SPOCK3: variants seen among roughly 807,000 people sequenced by gnomAD.
SPOCK3 encodes the protein SPARC (osteonectin), cwcv and kazal like domains proteoglycan 3, also known as testican-3.
SPOCK3 carries 30 observed loss-of-function variants against 56.6 expected under a neutral mutation model. That is an observed-to-expected ratio of 0.53 (90% CI 0.40 to 0.72). SPOCK3 has a LOEUF of 0.72. Among genes scored for constraint, SPOCK3 ranks in the 30% least tolerant of loss-of-function variants. SPOCK3 has a pLI of 0.00. For synonymous variants in SPOCK3, 196 were observed against 183.3 expected (o/e 1.07, Z -0.56); for missense variants, 527 against 530.0 (o/e 0.99, Z 0.06).
intron 2 of SPOCK3, among the ~76,000 whole-genome samples, chr4:167,128,629 A>G (rs1762474199): frequency 6.6e-6 from 1 of 152,204 alleles, no homozygotes; most frequent in Non-Finnish European, 1.5e-5. Flanking sequence ...CATAAAATAC[A>G]CTAACACTAA....
intron 8 of SPOCK3, among the ~76,000 whole-genome samples, chr4:166,747,069 G>A (rs1047401706): frequency 4.2e-5 from 4 of 96,000 alleles, no homozygotes; most frequent in Non-Finnish European, 6.7e-5. Flanking sequence ...GGAGGAGCTG[G>A]TACCATTCCT....
At chr4:166,843,816 G>T (rs1747769490) in intron 6 of SPOCK3, among the ~76,000 whole-genome samples, 1 of 152,154 alleles carries the variant, frequency 6.6e-6, no homozygotes, top group Non-Finnish European at 1.5e-5. Context: ...AACTTCCTTT[G>T]TCAATGGGAT....
rs550205270 is a variant in SPOCK3, at chr4:166,851,430, C to T, written c.589+37700G>A. Among the ~76,000 whole-genome samples, 25 of 152,340 alleles carry T rather than the reference C, an allele frequency of 1.6e-4. No homozygotes were observed. The South Asian group carries it at 1.7e-3, about 10-fold the overall frequency. ...GAGCGCCTCTCCTCCTGCAAAGGAA[C>T]GCAGTTCCTCACCAGCAACGGAACA... On this transcript the variant is annotated intron_variant, in intron 6 of 10. Coordinates refer to ENST00000357545, the MANE Select transcript of SPOCK3 (RefSeq NM_001040159.2).
chr4:166,841,335 T>G (rs1016503099), intron 6 of SPOCK3, among the ~76,000 whole-genome samples: 4 of 152,136 alleles, frequency 2.6e-5, no homozygotes, highest in African/African-American at 9.7e-5. Flanking sequence ...TGTCACAGAA[T>G]AAGAATAATA....
In SPOCK3 at chr4:166,981,159, T is replaced by C. The variant is rs575717701; in HGVS notation, c.350+19190A>G. 6.7e-5 allele frequency among the ~76,000 whole-genome samples: 10 copies of C among 148,456 alleles called. No individual in the cohort carries two copies. The East Asian group carries it at 1.4e-3, about 21-fold the overall frequency. On this transcript the variant is annotated intron_variant, in intron 4 of 10. Transcript: ENST00000357545. ...CAGCTTTCAGCCCAGAGGAGACCCATAGTGGGTAGCTCCTTTCCACAGGAA... is the reference window on the plus strand; with the variant it reads ...CAGCTTTCAGCCCAGAGGAGACCCACAGTGGGTAGCTCCTTTCCACAGGAA...
chr4:166,854,574 T>C (rs988286894), intron 6 of SPOCK3, among the ~76,000 whole-genome samples: 1 of 152,190 alleles, frequency 6.6e-6, no homozygotes, highest in African/African-American at 2.4e-5. Flanking sequence ...GTCCATAATA[T>C]TTAAAATAAT....
chr4:166,831,232 GT>G (rs1286642026), intron 6 of SPOCK3, among the ~76,000 whole-genome samples: 1 of 152,160 alleles, frequency 6.6e-6, no homozygotes, highest in African/African-American at 2.4e-5. Context: ...GCTTATTAAT[GT>G]TTGTAGCTTT....
In SPOCK3 at chr4:166,976,904, TTATTA is replaced by T. The variant is rs540439561; in HGVS notation, c.350+23440_350+23444del. On this transcript the variant is annotated intron_variant, in intron 4 of 10. Coordinates refer to ENST00000357545, the MANE Select transcript of SPOCK3 (RefSeq NM_001040159.2). Reference sequence around the variant, plus strand: ...TATATATAATCAAATTGTATTTATTTTATTATACCATTTGATTCTTTTTAATAATT... The same window carrying T: ...TATATATAATCAAATTGTATTTATTTTACCATTTGATTCTTTTTAATAATT... Among the ~76,000 whole-genome samples the T allele has an allele frequency of 2.1e-3, 322 of 151,742 alleles. 3 individuals carry two copies. Among genetic ancestry groups the T allele is most frequent in the African/African-American group, 7.4e-3 (307 of 41,500 alleles).
Position 166,766,113 on chromosome 4 carries a change from T to C in SPOCK3, c.710-11384A>G, listed in dbSNP as rs139080263. Among the ~76,000 whole-genome samples the C allele has an allele frequency of 7.6e-3, 1,162 of 152,316 alleles. 7 individuals are homozygous for C. Among genetic ancestry groups the C allele is most frequent in the Middle Eastern group, 0.024 (7 of 294 alleles). ...CTGAGATGATAGGGTTTTCTAAATATACAATCATGTCATCTGCAAACAGGG... is the reference window on the plus strand; with the variant it reads ...CTGAGATGATAGGGTTTTCTAAATACACAATCATGTCATCTGCAAACAGGG... On this transcript the variant is annotated intron_variant, in intron 7 of 10. Transcript: ENST00000357545.
intron 2 of SPOCK3, among the ~76,000 whole-genome samples, chr4:167,152,307 G>A (rs572302140): frequency 6.6e-6 from 1 of 152,222 alleles, no homozygotes; most frequent in African/African-American, 2.4e-5. Context: ...AGTGTACACA[G>A]ATCAGATAAT....
At chr4:166,813,978 A>T (rs1236170282) in intron 6 of SPOCK3, among the ~76,000 whole-genome samples, 1 of 152,066 alleles carries the variant, frequency 6.6e-6, no homozygotes, top group East Asian at 1.9e-4. Context: ...TTGATGGTAA[A>T]ACTTGAGTAA....
chr4:166,770,333 C>T (rs1738762930), intron 7 of SPOCK3, among the ~76,000 whole-genome samples: 1 of 152,074 alleles, frequency 6.6e-6, no homozygotes, highest in Non-Finnish European at 1.5e-5. Flanking sequence ...GGAACCAAGC[C>T]CAAGATGTCC....
chr4:166,869,991 C>G (rs1732287312), intron 6 of SPOCK3, among the ~76,000 whole-genome samples: 1 of 152,026 alleles, frequency 6.6e-6, no homozygotes, highest in Non-Finnish European at 1.5e-5. Context: ...ACAGTTTGTC[C>G]TCTAGGAACC....
intron 2 of SPOCK3, among the ~76,000 whole-genome samples, chr4:167,220,228 T>C (rs909502455): frequency 6.6e-6 from 1 of 152,092 alleles, no homozygotes; most frequent in African/African-American, 2.4e-5. Context: ...TTACATAATT[T>C]GATAATAGGA....
chr4:166,879,115 A>G (rs1262209329), intron 6 of SPOCK3, among the ~76,000 whole-genome samples: 2 of 152,156 alleles, frequency 1.3e-5, no homozygotes, highest in Non-Finnish European at 2.9e-5. Flanking sequence ...AAAAAAATAT[A>G]TATGCAGAGT....
intron 2 of SPOCK3, among the ~76,000 whole-genome samples, chr4:167,224,298 A>T (rs1561343465): frequency 6.6e-6 from 1 of 152,186 alleles, no homozygotes; most frequent in Admixed American, 6.5e-5. Flanking sequence ...TAGGACAAAA[A>T]GAGGAATCCA....
At chr4:167,196,348 T>C (rs2110887749) in intron 2 of SPOCK3, among the ~76,000 whole-genome samples, 1 of 152,294 alleles carries the variant, frequency 6.6e-6, no homozygotes, top group South Asian at 2.1e-4. Context: ...TCTATTGCCA[T>C]GTAACACATT....
In SPOCK3 at chr4:166,792,548, T is replaced by C. The variant is rs2198744; in HGVS notation, c.590-259A>G. Among the ~76,000 whole-genome samples, 43,248 of 151,982 alleles carry C rather than the reference T, an allele frequency of 0.28. 6,252 individuals are homozygous for C. Among genetic ancestry groups the C allele is most frequent in the East Asian group, 0.34 (1,756 of 5,170 alleles). On this transcript the variant is annotated intron_variant, in intron 6 of 10. Transcript: ENST00000357545. Reference sequence around the variant, plus strand: ...GAATATGACACTTGGAGGATTTGTATTGATAACATCACAAAAATTGAGTCA... The same window carrying C: ...GAATATGACACTTGGAGGATTTGTACTGATAACATCACAAAAATTGAGTCA...
intron 6 of SPOCK3, among the ~76,000 whole-genome samples, chr4:166,867,449 C>T (rs1198885580): frequency 6.6e-6 from 1 of 151,674 alleles, no homozygotes; most frequent in East Asian, 1.9e-4. Flanking sequence ...TGAGTTTAAG[C>T]TACTATGATT....
Sources: allele counts gnomAD v4.1 joint callset (sites outside exome capture counted in the v4.1 genomes callset), GRCh38; gene constraint gnomAD v4.1.1; transcripts MANE v1.5; gene names NCBI Gene and HGNC (gene_info 2026-07-23, HGNC 2026-07-21).